Variants in AGMO observed in about 807,000 individuals in gnomAD.
The protein encoded by AGMO is alkylglycerol monooxygenase, also known as glyceryl-ether monooxygenase.
In AGMO, 75 loss-of-function variants were observed where a neutral mutation model predicts 60.2. The ratio of observed to expected loss-of-function variants is 1.25; its 90% CI spans 1.03 to 1.51. The LOEUF is 1.51. Ranked by LOEUF, AGMO falls within the 40% of genes most tolerant of loss-of-function variation. The probability of loss-of-function intolerance (pLI) is 0.00; values close to 1 mark genes in which losing one functional copy is unlikely to be tolerated. For missense variants in AGMO, 763 were observed against 525.5 expected (o/e 1.45, Z -4.42); for synonymous variants, 261 against 177.1 (o/e 1.47, Z -3.76).
intron 2 of AGMO, among the ~76,000 whole-genome samples, chr7:15,556,706 G>C (rs1187900215): frequency 3.9e-5 from 6 of 152,022 alleles, no homozygotes; most frequent in Non-Finnish European, 7.4e-5. Flanking sequence ...ACAAGTTTTA[G>C]ATACGTTTGC....
At position 15,434,149 on chromosome 7, in the gene AGMO, A is replaced by G. The variant is rs137913176; in HGVS notation, c.410-3041T>C. ...ACTTCAAGATGGCTCCCTGCTTCAG[A>G]TAATTCAAGTTCTGGACTTTGAACT... is the stretch of plus-strand genomic sequence containing the variant. On this transcript the variant is annotated intron_variant, in intron 3 of 12. Coordinates refer to ENST00000342526, the MANE Select transcript of AGMO (RefSeq NM_001004320.2). Among the ~76,000 whole-genome samples the G allele has an allele frequency of 7.4e-3, 1,127 of 152,178 alleles. 18 individuals carry two copies. Among genetic ancestry groups the G allele is most frequent in the African/African-American group, 0.026 (1,065 of 41,512 alleles).
At chr7:15,303,165 C>T (rs976351585) in intron 12 of AGMO, among the ~76,000 whole-genome samples, 10 of 151,872 alleles carry the variant, frequency 6.6e-5, no homozygotes, top group African/African-American at 1.5e-4. Flanking sequence ...ATTAAGATGG[C>T]GGCACAGATG....
rs536206845 is a variant in AGMO, at chr7:15,371,000, C to A, written c.1075-4778G>T. On this transcript the variant is annotated intron_variant, in intron 10 of 12. Transcript: ENST00000342526. ...CCAGAATGATCTTCAACAAAGTTGA[C>A]AAAAGCAATGGGGAAAAGACTCCTT... Among the ~76,000 whole-genome samples, 5 of 152,074 alleles carry A rather than the reference C, an allele frequency of 3.3e-5. No individual in the cohort carries two copies. The South Asian group carries it at 8.3e-4, about 25-fold the overall frequency.
intron 12 of AGMO, among the ~76,000 whole-genome samples, chr7:15,337,302 T>C (rs1351168894): frequency 6.6e-6 from 1 of 152,184 alleles, no homozygotes; most frequent in Non-Finnish European, 1.5e-5. Context: ...CAAGAATTAC[T>C]TTTTAATAAC....
At chr7:15,192,313 C>A in the AGMO span, among the ~76,000 whole-genome samples, 1 of 151,708 alleles carries the variant, frequency 6.6e-6, no homozygotes, top group Non-Finnish European at 1.5e-5. Context: ...GCTCCACAAG[C>A]AAAAGAGTGG....
chr7:15,195,171 T>A, the AGMO span, among the ~76,000 whole-genome samples: 1 of 152,116 alleles, frequency 6.6e-6, no homozygotes, highest in Non-Finnish European at 1.5e-5. Flanking sequence ...CCTAACCCCC[T>A]GTATATTTTA....
chr7:15,335,392 G>A (rs927511449), intron 12 of AGMO, among the ~76,000 whole-genome samples: 1 of 152,046 alleles, frequency 6.6e-6, no homozygotes, highest in African/African-American at 2.4e-5. Flanking sequence ...TTGAATATTT[G>A]GTGATCTAAG....
the AGMO span, among the ~76,000 whole-genome samples, chr7:15,160,604 G>A: frequency 2.0e-5 from 3 of 151,796 alleles, no homozygotes. Flanking sequence ...TAATATATCT[G>A]AAAATTAATA....
chr7:15,370,291 A>G (rs1783155994), intron 10 of AGMO, among the ~76,000 whole-genome samples: 1 of 152,160 alleles, frequency 6.6e-6, no homozygotes, highest in Non-Finnish European at 1.5e-5. Flanking sequence ...TTCTTCAACA[A>G]CCAATCCTCC....
At chr7:15,143,094 TG>T in the AGMO span, among the ~76,000 whole-genome samples, 1 of 152,342 alleles carries the variant, frequency 6.6e-6, no homozygotes, top group Non-Finnish European at 1.5e-5. Context: ...TATTTTTCCC[TG>T]GTTTCTCTTC....
chr7:15,241,683 C>T (rs1233608925), intron 12 of AGMO, among the ~76,000 whole-genome samples: 1 of 151,676 alleles, frequency 6.6e-6, no homozygotes, highest in South Asian at 2.1e-4. Flanking sequence ...TGAGTTTCCC[C>T]AAAACCACTG....
chr7:15,555,876 A>T (rs1785119736), intron 2 of AGMO, among the ~76,000 whole-genome samples: 1 of 152,090 alleles, frequency 6.6e-6, no homozygotes, highest in African/African-American at 2.4e-5. Flanking sequence ...ACATTCTCTC[A>T]AATGTAATTA....
At chr7:15,360,387 A>G (rs943130161) in intron 12 of AGMO, among the ~76,000 whole-genome samples, 9 of 152,362 alleles carry the variant, frequency 5.9e-5, no homozygotes, top group Admixed American at 3.3e-4. Context: ...TGTAGCTATT[A>G]ATCACCTACT....
intron 2 of AGMO, among the ~76,000 whole-genome samples, chr7:15,551,038 A>G (rs1384688066): frequency 1.3e-5 from 2 of 150,302 alleles, no homozygotes; most frequent in Non-Finnish European, 3.0e-5. Context: ...AATGTAATCC[A>G]GCATATAAAC....
chr7:15,364,284 CTAGA>C (rs1318245254), intron 12 of AGMO, among the ~76,000 whole-genome samples: 3 of 151,816 alleles, frequency 2.0e-5, no homozygotes, highest in African/African-American at 2.4e-5. Flanking sequence ...GTTTATCTTC[CTAGA>C]TATATTTACA....
chr7:15,410,205 CT>C (rs1429891366), intron 5 of AGMO, among the ~76,000 whole-genome samples: 5 of 151,396 alleles, frequency 3.3e-5, no homozygotes, highest in African/African-American at 4.8e-5. Flanking sequence ...CACCATTTAA[CT>C]TTTTTTTATT....
intron 12 of AGMO, among the ~76,000 whole-genome samples, chr7:15,247,426 AC>A: frequency 8.4e-6 from 1 of 119,636 alleles, no homozygotes; most frequent in South Asian, 2.5e-4. Context: ...ACACACACAC[AC>A]ACACACACAC....
intron 3 of AGMO, among the ~76,000 whole-genome samples, chr7:15,464,055 C>T (rs760754436): frequency 1.3e-5 from 2 of 152,100 alleles, no homozygotes; most frequent in Non-Finnish European, 2.9e-5. Flanking sequence ...CTAGTAATAG[C>T]CACGGAGATT....
chr7:15,341,350 C>G (rs1004284349), intron 12 of AGMO, among the ~76,000 whole-genome samples: 1 of 152,172 alleles, frequency 6.6e-6, no homozygotes, highest in African/African-American at 2.4e-5. Flanking sequence ...TTCCACAGAT[C>G]TCTAGGGCAG....
Sources: allele counts gnomAD v4.1 joint callset (sites outside exome capture counted in the v4.1 genomes callset), GRCh38; gene constraint gnomAD v4.1.1; transcripts MANE v1.5; gene names NCBI Gene and HGNC (gene_info 2026-07-23, HGNC 2026-07-21).